RAD51C: variants seen among roughly 807,000 people sequenced by gnomAD.
RAD51C encodes RAD51 paralog C.
Under a neutral mutation model 45.0 loss-of-function variants are expected in RAD51C, and 42 were observed. The ratio of observed to expected loss-of-function variants is 0.93; its 90% CI spans 0.73 to 1.21. RAD51C has a LOEUF of 1.21. Among genes scored for constraint, RAD51C ranks in the 50% most tolerant of loss-of-function variants. RAD51C has a pLI of 0.00. For synonymous variants in RAD51C, 172 were observed against 159.8 expected, an observed-to-expected ratio of 1.08 and a Z score of -0.58; for missense variants, 474 against 452.2, an observed-to-expected ratio of 1.05 and a Z score of -0.44.
chr17:58,715,624 C>G (rs576769886), intron 5 of RAD51C, among the ~76,000 whole-genome samples: 1 of 152,192 alleles, frequency 6.6e-6, no homozygotes, highest in South Asian at 2.1e-4. Flanking sequence ...TGACTTCTTT[C>G]ACTTAGCGTG....
intron 7 of RAD51C, 44 bp from the exon 8 acceptor site, chr17:58,732,440 T>G (rs751281188): frequency 6.5e-7 from 1 of 1,531,220 alleles, no homozygotes. Flanking sequence ...TTTAATTAAT[T>G]AAGTTCATGT....
At chr17:58,732,813 C>T (rs1037040771) in intron 8 of RAD51C, 8 of 377,582 alleles carry the variant, frequency 2.1e-5, no homozygotes, top group African/African-American at 1.6e-4. Flanking sequence ...TATTAAAAAT[C>T]TTTAAAGTGA....
intron 6 of RAD51C, among the ~76,000 whole-genome samples, chr17:58,722,420 T>C (rs565622132): frequency 2.6e-5 from 4 of 152,322 alleles, no homozygotes; most frequent in South Asian, 2.1e-4. Context: ...ATTGAGGCAT[T>C]TAAAATGTGG....
chr17:58,692,662 C>G lies in RAD51C; in HGVS notation c.19C>G (p.Arg7Gly), dbSNP rs759759863. 1 of 1,614,194 alleles carries G rather than the reference C, an allele frequency of 6.2e-7. No individual in the cohort carries two copies. Among genetic ancestry groups the G allele is most frequent in the Non-Finnish European group, 8.5e-7 (1 of 1,180,040 alleles). Residue 7 changes from arginine to glycine, a missense_variant, in exon 1 of 9, where the codon CGC becomes GGC. Physicochemically the swap from Arg to Gly is moderately radical, Grantham distance 125. Coordinates refer to ENST00000337432, the MANE Select transcript of RAD51C (RefSeq NM_058216.3). MRGKTF[R>G]FEMQRDLVSF... Reference sequence around the variant, plus strand: ...GCCTGCGATGCGCGGGAAGACGTTCCGCTTTGAAATGCAGCGGGATTTGGT... The same window carrying G: ...GCCTGCGATGCGCGGGAAGACGTTCGGCTTTGAAATGCAGCGGGATTTGGT...
intron 4 of RAD51C, among the ~76,000 whole-genome samples, chr17:58,708,214 A>T (rs1362819723): frequency 6.6e-6 from 1 of 151,568 alleles, no homozygotes; most frequent in East Asian, 1.9e-4. Context: ...TTATAATGCC[A>T]CTTTTTTTTG....
chr17:58,696,551 A>T (rs1467855743), intron 2 of RAD51C, 142 bp from the exon 3 acceptor site: 1 of 927,552 alleles, frequency 1.1e-6, no homozygotes, highest in Non-Finnish European at 1.7e-6. Context: ...AGTCATGAAG[A>T]GTTAGACATT....
intron 8 of RAD51C, 99 bp downstream of exon 8, chr17:58,732,643 C>T: frequency 8.5e-7 from 1 of 1,171,688 alleles, no homozygotes; most frequent in Non-Finnish European, 1.3e-6. Context: ...CTGTAGGCAG[C>T]AAGCATATTT....
rs2047937354 is a variant in RAD51C, at chr17:58,694,874, A to T, written c.146-57A>T. ...AAATTAATAAAGACAATCGATTATC[A>T]TGTTACACTTTTAAATCTCTAAAAT... On this transcript the variant is annotated intron_variant, in intron 1 of 8. Coordinates refer to ENST00000337432, the MANE Select transcript of RAD51C (RefSeq NM_058216.3). 16 of 1,415,492 alleles carry T rather than the reference A, an allele frequency of 1.1e-5. No homozygotes were observed. In the South Asian group the frequency reaches 1.9e-4, roughly 16 times the overall value. 87.7% of individuals were successfully genotyped at this position (1,415,492 alleles called of 1,614,324 possible).
At chr17:58,720,690 C>G (rs868591529) in intron 5 of RAD51C, 56 bp from the exon 6 acceptor site, 2 of 1,349,810 alleles carry the variant, frequency 1.5e-6, no homozygotes, top group South Asian at 2.4e-5. Flanking sequence ...CCAGACTGGT[C>G]TACTTGATAA....
At position 58,720,671 on chromosome 17, in the gene RAD51C, C is replaced by A. The variant is rs968628789; in HGVS notation, c.838-75C>A. 3.5e-6 allele frequency: 4 copies of A among 1,148,984 alleles called. No homozygotes were observed. In the African/African-American group the frequency reaches 6.1e-5, roughly 18 times the overall value. The allele number at this position is 1,148,984 out of a possible 1,614,324, so 71.2% of individuals were successfully genotyped here. On this transcript the variant is annotated intron_variant, in intron 5 of 8. Transcript: ENST00000337432. ...TATTTTTAGTAGAGATGGGGTTTCACAATCTTGGCCAGACTGGTCTACTTG... is the reference window on the plus strand; with the variant it reads ...TATTTTTAGTAGAGATGGGGTTTCAAAATCTTGGCCAGACTGGTCTACTTG...
At chr17:58,728,874 G>A in intron 7 of RAD51C, among the ~76,000 whole-genome samples, 1 of 152,124 alleles carries the variant, frequency 6.6e-6, no homozygotes, top group Admixed American at 6.5e-5. Context: ...CTTATATTAT[G>A]TGAGTTTTCC....
intron 3 of RAD51C, among the ~76,000 whole-genome samples, chr17:58,698,779 G>A (rs1489726969): frequency 6.6e-6 from 1 of 151,068 alleles, no homozygotes; most frequent in African/African-American, 2.4e-5. Flanking sequence ...AAAATTAGCC[G>A]AGCATGGTGG....
At chr17:58,727,220 G>A (rs1046797669) in intron 7 of RAD51C, among the ~76,000 whole-genome samples, 6 of 151,234 alleles carry the variant, frequency 4.0e-5, no homozygotes, top group Non-Finnish European at 8.8e-5. Context: ...CACTTCCTGG[G>A]GTCAAGTGAT....
At chr17:58,721,141 G>A (rs542854536) in intron 6 of RAD51C, among the ~76,000 whole-genome samples, 2 of 152,198 alleles carry the variant, frequency 1.3e-5, no homozygotes, top group South Asian at 4.1e-4. Flanking sequence ...AATTAGCCAG[G>A]CATGGTGGCA....
intron 5 of RAD51C, among the ~76,000 whole-genome samples, chr17:58,716,610 A>G (rs1248822203): frequency 1.3e-4 from 20 of 150,320 alleles, no homozygotes. Context: ...CTACAGGCGC[A>G]TGCCACCATG....
In RAD51C at chr17:58,695,158, G is replaced by A. The variant is rs142058115; in HGVS notation, c.373G>A (p.Gly125Ser). 1 of 1,612,530 alleles carries A rather than the reference G, an allele frequency of 6.2e-7. No individual in the cohort carries two copies. The highest frequency in any genetic ancestry group is 1.3e-5 in the African/African-American group (1 of 74,920). ...CTTAATGAAAACAACAGAAATTTGT[G>A]GTGCACCAGGTGTTGGAAAAACACA... ...VPLMKTTEICGAPGVGKTQLC... is the reference protein window; with the variant it reads ...VPLMKTTEICSAPGVGKTQLC... Residue 125 changes from glycine (G) to serine (S), a missense_variant, in exon 2 of 9, where the codon GGT (glycine) becomes AGT (serine). Coordinates refer to ENST00000337432, the MANE Select transcript of RAD51C (RefSeq NM_058216.3).
At chr17:58,693,726 T>C (rs1037643475) in intron 1 of RAD51C, 5 of 152,170 alleles carry the variant, frequency 3.3e-5, no homozygotes, top group Admixed American at 2.0e-4. Context: ...CCAAGCTTTT[T>C]ACATGTATCG....
At chr17:58,711,386 T>G (rs962237064) in intron 5 of RAD51C, among the ~76,000 whole-genome samples, 3 of 152,154 alleles carry the variant, frequency 2.0e-5, no homozygotes, top group Admixed American at 6.6e-5. Flanking sequence ...TACCTCAGTT[T>G]AGAGAAAACT....
intron 5 of RAD51C, among the ~76,000 whole-genome samples, chr17:58,716,401 G>A (rs191429415): frequency 3.9e-3 from 594 of 152,238 alleles, no homozygotes; most frequent in Non-Finnish European, 6.4e-3. Flanking sequence ...CTGCATGACT[G>A]TTCAGCACTT....
Sources: gnomAD v4.1 joint callset for allele counts (sites outside exome capture counted in the v4.1 genomes callset) on GRCh38, gnomAD v4.1.1 for gene constraint, MANE v1.5 for transcripts, NCBI Gene and HGNC (gene_info 2026-07-23, HGNC 2026-07-21) for gene names.